CAMTA1: variants seen among roughly 807,000 people sequenced by gnomAD.
The protein encoded by CAMTA1 is calmodulin-binding transcription activator 1.
In CAMTA1, 27 loss-of-function variants were observed where a neutral mutation model predicts 170.9. The observed-to-expected ratio is 0.16, with a 90% CI of 0.12 to 0.22. CAMTA1 has a LOEUF of 0.22. CAMTA1 is among the 10% of genes least tolerant of loss of function. The pLI is 1.00. For synonymous variants in CAMTA1, 833 were observed against 891.5 expected, an observed-to-expected ratio of 0.93 and a Z score of 1.17; for missense variants, 1,619 against 2,217.2, an observed-to-expected ratio of 0.73 and a Z score of 5.42.
At chr1:7,365,004 A>G (rs1418489) in intron 5 of CAMTA1, among the ~76,000 whole-genome samples, 3,382 of 152,318 alleles carry the variant, frequency 0.022, 121 homozygotes, top group African/African-American at 0.076. Context: ...CTGGTGATGA[A>G]GGACTGAGAG....
intron 5 of CAMTA1, among the ~76,000 whole-genome samples, chr1:7,336,409 C>A (rs1022938724): frequency 6.6e-6 from 1 of 152,176 alleles, no homozygotes; most frequent in Non-Finnish European, 1.5e-5. Context: ...CCAGACCAGG[C>A]GAATTGACTT....
At chr1:7,223,998 C>A (rs889705346) in intron 4 of CAMTA1, among the ~76,000 whole-genome samples, 7 of 152,138 alleles carry the variant, frequency 4.6e-5, no homozygotes, top group Non-Finnish European at 7.3e-5. Flanking sequence ...AACTCGATCA[C>A]CCCAGATGAC....
At chr1:7,408,385 G>A (rs191118879) in intron 5 of CAMTA1, among the ~76,000 whole-genome samples, 457 of 152,346 alleles carry the variant, frequency 3.0e-3, no homozygotes, top group South Asian at 7.7e-3. Context: ...GGGCTGGTGG[G>A]GTCCCAGTCA....
In CAMTA1 at chr1:7,718,273, T is replaced by C. The variant is rs1163409105; in HGVS notation, c.2915-14175T>C. 2.7e-5 allele frequency among the ~76,000 whole-genome samples: 4 copies of C among 146,178 alleles called. No homozygotes were observed. The East Asian group carries it at 7.7e-4, about 28-fold the overall frequency. On this transcript the variant is annotated intron_variant, in intron 11 of 22. Coordinates refer to ENST00000303635, the MANE Select transcript of CAMTA1 (RefSeq NM_015215.4). ...ACAGTGGGCGTTCCGTAAACATTTG[T>C]GGAATGAGTCCGTTCTGGCCGGATT... is the stretch of plus-strand genomic sequence containing the variant.
At chr1:7,132,381 C>A (rs957584965) in intron 4 of CAMTA1, among the ~76,000 whole-genome samples, 1 of 152,112 alleles carries the variant, frequency 6.6e-6, no homozygotes, top group African/African-American at 2.4e-5. Flanking sequence ...CTCAAACGAT[C>A]CTCCCACTTC....
intron 7 of CAMTA1, among the ~76,000 whole-genome samples, chr1:7,645,618 G>T (rs921188690): frequency 1.3e-5 from 2 of 152,236 alleles, no homozygotes; most frequent in African/African-American, 4.8e-5. Context: ...TGCAGGCTTC[G>T]AAGGCCCGGA....
chr1:6,930,920 TTGC>T (rs1684291156), intron 3 of CAMTA1, among the ~76,000 whole-genome samples: 1 of 152,244 alleles, frequency 6.6e-6, no homozygotes. Context: ...GGAGTGGCCC[TTGC>T]TGGCCTTGGC....
At chr1:7,192,901 A>G (rs2148957824) in intron 4 of CAMTA1, among the ~76,000 whole-genome samples, 1 of 152,318 alleles carries the variant, frequency 6.6e-6, no homozygotes, top group Middle Eastern at 3.4e-3. Flanking sequence ...TGAGGTTCTA[A>G]GTCATGCTGT....
chr1:7,429,253 G>A (rs2092032660), intron 5 of CAMTA1, among the ~76,000 whole-genome samples: 2 of 152,236 alleles, frequency 1.3e-5, no homozygotes, highest in Admixed American at 6.5e-5. Flanking sequence ...TTGCGAGGTT[G>A]AAATGTAATG....
chr1:7,167,638 T>G (rs1648754068), intron 4 of CAMTA1, among the ~76,000 whole-genome samples: 1 of 152,176 alleles, frequency 6.6e-6, no homozygotes, highest in South Asian at 2.1e-4. Context: ...GTCAAAATCC[T>G]CAAATTCCTA....
chr1:7,250,020 G>A (rs1666378254), intron 5 of CAMTA1, among the ~76,000 whole-genome samples: 1 of 149,776 alleles, frequency 6.7e-6, no homozygotes, highest in African/African-American at 2.6e-5. Context: ...CCCCTGCCAA[G>A]CTGGCAGGCC....
At chr1:7,033,017 T>A (rs1703016733) in intron 3 of CAMTA1, among the ~76,000 whole-genome samples, 1 of 152,216 alleles carries the variant, frequency 6.6e-6, no homozygotes, top group Non-Finnish European at 1.5e-5. Flanking sequence ...TCAAGATGAT[T>A]ATGATGTGCC....
rs375151029 is a variant in CAMTA1 at position 7,736,917 on chromosome 1, G to A, written c.3264-14G>A. 9 of 1,605,458 alleles carry A rather than the reference G, an allele frequency of 5.6e-6. No individual in the cohort carries two copies. The African/African-American group carries it at 8.0e-5, about 14-fold the overall frequency. ...GGTGAATAGTGTGGTAATTTCTGGT[G>A]CTCTCCCTTATAGTACAAAGCACGC... On this transcript the variant is annotated splice_polypyrimidine_tract_variant and intron_variant, in intron 13 of 22. Transcript: ENST00000303635. The surrounding 1 kb of genome is among the most constrained non-coding windows in gnomAD (Gnocchi z 4.5).
intron 3 of CAMTA1, among the ~76,000 whole-genome samples, chr1:6,961,077 A>T (rs1050947303): frequency 3.3e-5 from 5 of 152,174 alleles, no homozygotes; most frequent in Non-Finnish European, 7.4e-5. Flanking sequence ...CAGATTGTAT[A>T]TAGTGATTCT....
At chr1:6,849,459 G>A (rs939364838) in intron 3 of CAMTA1, among the ~76,000 whole-genome samples, 2 of 151,842 alleles carry the variant, frequency 1.3e-5, no homozygotes, top group African/African-American at 4.8e-5. Context: ...TGAGAGAGGG[G>A]ACATAGAAAG....
intron 3 of CAMTA1, among the ~76,000 whole-genome samples, chr1:6,833,941 T>G (rs1339865459): frequency 1.3e-5 from 2 of 152,174 alleles, no homozygotes; most frequent in Admixed American, 1.3e-4. Context: ...AGAGCTGGTG[T>G]CAGAAGCAGA....
At chr1:7,264,644 G>A (rs1318432733) in intron 5 of CAMTA1, among the ~76,000 whole-genome samples, 2 of 152,126 alleles carry the variant, frequency 1.3e-5, no homozygotes, top group African/African-American at 4.8e-5. Flanking sequence ...AATAAATAAT[G>A]CAGTTTATGT....
At chr1:6,872,904 A>T (rs1668794097) in intron 3 of CAMTA1, among the ~76,000 whole-genome samples, 1 of 152,254 alleles carries the variant, frequency 6.6e-6, no homozygotes, top group African/African-American at 2.4e-5. Flanking sequence ...CTGCTAAATG[A>T]GTACTGAAAT....
At position 7,497,608 on chromosome 1, in the gene CAMTA1, C is replaced by A. The variant is rs573045462; in HGVS notation, c.510+29707C>A. 3.3e-5 allele frequency among the ~76,000 whole-genome samples: 5 copies of A among 152,318 alleles called. No individual in the cohort carries two copies. In the East Asian group the frequency reaches 9.6e-4, roughly 29 times the overall value. On this transcript the variant is annotated intron_variant, in intron 6 of 22. Transcript: ENST00000303635. ...ATCTCTCACGTCACATTGCGTGGTG[C>A]CTTCCATTTGTGCTTCTTGTACTCT...
Sources: gnomAD v4.1 joint callset for allele counts (sites outside exome capture counted in the v4.1 genomes callset) on GRCh38, gnomAD v4.1.1 for gene constraint, Gnocchi (gnomAD v3.1) non-coding constraint, MANE v1.5 for transcripts, NCBI Gene and HGNC (gene_info 2026-07-23, HGNC 2026-07-21) for gene names.